Variants in HYDIN observed in about 807,000 individuals in gnomAD.
HYDIN encodes the protein axonemal central pair apparatus protein HYDIN.
In HYDIN, 132 loss-of-function variants were observed where a neutral mutation model predicts 403.9. That is an observed-to-expected ratio of 0.33 (90% CI 0.28 to 0.38). The LOEUF (loss-of-function observed/expected upper bound fraction) is 0.38, where lower values mean the gene tolerates loss of function less well. Among genes scored for constraint, HYDIN ranks in the 10% least tolerant of loss-of-function variants. HYDIN has a pLI of 1.00. For synonymous variants in HYDIN, 1,202 were observed against 1,891.7 expected, an observed-to-expected ratio of 0.64 and a Z score of 9.46; for missense variants, 2,827 against 5,009.5, an observed-to-expected ratio of 0.56 and a Z score of 13.15.
At chr16:71,133,716 C>T (rs1485261155) in intron 8 of HYDIN, among the ~76,000 whole-genome samples, 10 of 151,962 alleles carry the variant, frequency 6.6e-5, no homozygotes, top group Non-Finnish European at 1.5e-4. Flanking sequence ...ATACAGTGAA[C>T]GTGATAAGAA....
chr16:71,192,140 C>G (rs1157452935), intron 1 of HYDIN, among the ~76,000 whole-genome samples: 2 of 152,140 alleles, frequency 1.3e-5, no homozygotes, highest in Non-Finnish European at 2.9e-5. Context: ...GGAATAGAAC[C>G]AGTCATTATG....
intron 45 of HYDIN, among the ~76,000 whole-genome samples, chr16:70,930,661 G>A (rs1385660538): frequency 1.3e-5 from 2 of 152,136 alleles, no homozygotes; most frequent in African/African-American, 4.8e-5. Context: ...GCTGACTCTT[G>A]AACTATGTGT....
intron 45 of HYDIN, among the ~76,000 whole-genome samples, chr16:70,931,595 T>G (rs1275897179): frequency 6.6e-6 from 1 of 151,698 alleles, no homozygotes; most frequent in African/African-American, 2.4e-5. Flanking sequence ...CCTAGGTGAT[T>G]TGCGTGCATA....
chr16:71,171,076 G>C (rs2086442305), intron 5 of HYDIN, among the ~76,000 whole-genome samples: 1 of 152,140 alleles, frequency 6.6e-6, no homozygotes. Flanking sequence ...TCACCTGCTG[G>C]AATCTCATTT....
chr16:70,853,140 C>T (rs2038778298), intron 73 of HYDIN, among the ~76,000 whole-genome samples: 1 of 152,032 alleles, frequency 6.6e-6, no homozygotes, highest in Non-Finnish European at 1.5e-5. Context: ...AAGATCACAC[C>T]ACTGCACTCC....
At chr16:70,946,594 T>A (rs2456140) in intron 41 of HYDIN, among the ~76,000 whole-genome samples, 81,190 of 151,740 alleles carry the variant, frequency 0.54, 26,101 homozygotes, top group Non-Finnish European at 0.73. Flanking sequence ...TGGCAGACCA[T>A]GGCATCCAGA....
chr16:71,157,562 T>C (rs991984993), intron 6 of HYDIN, among the ~76,000 whole-genome samples: 9 of 151,958 alleles, frequency 5.9e-5, no homozygotes, highest in Non-Finnish European at 2.9e-5. Context: ...GCGTTCTCAG[T>C]TGCAAACAAC....
chr16:71,218,390 C>T (rs563239698), intron 1 of HYDIN, among the ~76,000 whole-genome samples: 23 of 152,318 alleles, frequency 1.5e-4, no homozygotes, highest in African/African-American at 5.5e-4. Flanking sequence ...TACTAATCTA[C>T]TGGAATCCAC....
intron 60 of HYDIN, among the ~76,000 whole-genome samples, chr16:70,881,322 G>A (rs1432112971): frequency 7.1e-6 from 1 of 141,354 alleles, no homozygotes; most frequent in Admixed American, 6.8e-5. Flanking sequence ...TAAGATTAGA[G>A]AATAGGCCGG....
At chr16:71,210,536 A>G (rs987438863) in intron 1 of HYDIN, among the ~76,000 whole-genome samples, 5 of 149,890 alleles carry the variant, frequency 3.3e-5, no homozygotes, top group Non-Finnish European at 7.4e-5. Flanking sequence ...AGAGGTTCAG[A>G]AAAAAAAAAG....
intron 1 of HYDIN, among the ~76,000 whole-genome samples, chr16:71,188,245 T>G (rs906206370): frequency 6.6e-6 from 1 of 152,182 alleles, no homozygotes; most frequent in Non-Finnish European, 1.5e-5. Flanking sequence ...TCCTCCAACC[T>G]AGGCCTCCCA....
intron 41 of HYDIN, among the ~76,000 whole-genome samples, chr16:70,947,961 A>C (rs1164379274): frequency 1.3e-5 from 2 of 150,606 alleles, no homozygotes; most frequent in Non-Finnish European, 3.0e-5. Context: ...AACTACTTTA[A>C]AGTTCATATG....
intron 57 of HYDIN, among the ~76,000 whole-genome samples, chr16:70,891,064 T>C (rs376179647): frequency 0.036 from 5,540 of 151,988 alleles, 343 homozygotes; most frequent in African/African-American, 0.13. Flanking sequence ...GGCAGAAGAC[T>C]GTGTTTGTTC....
At chr16:70,920,466 G>A (rs946481135) in intron 46 of HYDIN, 125 bp downstream of exon 46, 13 of 636,222 alleles carry the variant, frequency 2.0e-5, no homozygotes, top group African/African-American at 1.8e-4. Flanking sequence ...AATTCCAAGG[G>A]GGCATTAGAG....
At chr16:70,821,501 G>A (rs1485216238) in intron 83 of HYDIN, among the ~76,000 whole-genome samples, 28 of 151,928 alleles carry the variant, frequency 1.8e-4, no homozygotes, top group Admixed American at 5.9e-4. Flanking sequence ...TCCTTTCATC[G>A]CTTTACAGAT....
chr16:70,947,250 GGGTTGTTGA>G (rs1221150795), intron 41 of HYDIN, among the ~76,000 whole-genome samples: 1 of 140,644 alleles, frequency 7.1e-6, no homozygotes, highest in Non-Finnish European at 1.6e-5. Context: ...TTAGCATGAA[GGGTTGTTGA>G]ATTTTGTCAA....
rs775584306 is a variant in HYDIN, at chr16:70,807,609, C to A, written c.15337G>T (p.Val5113Phe). 16 of 1,613,576 alleles carry A rather than the reference C, an allele frequency of 9.9e-6. No homozygotes were observed. Among genetic ancestry groups the A allele is most frequent in the Non-Finnish European group, 1.3e-5 (15 of 1,179,690 alleles). The change falls in exon 86 of 86, where the codon GTT becomes TTT. Residue 5113 changes from valine to phenylalanine, a missense_variant. Physicochemically the swap from Val to Phe is conservative, Grantham distance 50. Transcript: ENST00000393567. ...GEGSETGVKW[V>F]YYLKGITL ...AGGGTGATCCCCTTCAGATAATAAA[C>A]CCATTTAACTCCAGTCTCACTCCCT...
At chr16:71,062,624 T>C in intron 16 of HYDIN, 1 of 247,598 alleles carries the variant, frequency 4.0e-6, no homozygotes, top group Non-Finnish European at 7.8e-6. Flanking sequence ...AAGGAAAAGG[T>C]CCACTTTCCA....
intron 1 of HYDIN, among the ~76,000 whole-genome samples, chr16:71,223,925 C>A (rs187483267): frequency 6.6e-6 from 1 of 152,116 alleles, no homozygotes; most frequent in Non-Finnish European, 1.5e-5. Context: ...CCATTTCATC[C>A]AGCAATCCCA....
Sources: gnomAD v4.1 joint callset for allele counts (sites outside exome capture counted in the v4.1 genomes callset) on GRCh38, gnomAD v4.1.1 for gene constraint, MANE v1.5 for transcripts, NCBI Gene and HGNC (gene_info 2026-07-23, HGNC 2026-07-21) for gene names.